The following RPIA variants were observed in gnomAD, a reference collection of about 807,000 sequenced individuals.
RPIA encodes ribose-5-phosphate isomerase.
Under a neutral mutation model 37.8 loss-of-function variants are expected in RPIA, and 29 were observed. The observed-to-expected ratio is 0.77, with a 90% CI of 0.57 to 1.05. The LOEUF (loss-of-function observed/expected upper bound fraction) is 1.05, where lower values mean the gene tolerates loss of function less well. RPIA is among the 50% of genes least tolerant of loss of function. The pLI is 0.00. For missense variants in RPIA, 385 were observed against 413.6 expected (o/e 0.93, Z 0.60); for synonymous variants, 167 against 157.0 (o/e 1.06, Z -0.48).
At chr2:88,744,848 T>A (rs1673422789) in intron 8 of RPIA, among the ~76,000 whole-genome samples, 3 of 152,230 alleles carry the variant, frequency 2.0e-5, no homozygotes, top group Non-Finnish European at 4.4e-5. Context: ...GTGTGGAGTA[T>A]CTTTTCCCAC....
chr2:88,721,973 A>G (rs528565556), intron 3 of RPIA, among the ~76,000 whole-genome samples: 1 of 149,106 alleles, frequency 6.7e-6, no homozygotes, highest in African/African-American at 2.5e-5. Context: ...TTGATCTATA[A>G]AAGTTTTTTT....
intron 3 of RPIA, among the ~76,000 whole-genome samples, chr2:88,714,617 G>A (rs1167492448): frequency 6.6e-6 from 1 of 152,198 alleles, no homozygotes; most frequent in African/African-American, 2.4e-5. Flanking sequence ...CCTAGAGAAG[G>A]CTGCCCCATT....
chr2:88,725,263 A>G (rs952315928), intron 3 of RPIA, among the ~76,000 whole-genome samples: 6 of 152,194 alleles, frequency 3.9e-5, no homozygotes, highest in Non-Finnish European at 8.8e-5. Context: ...GTAGTGGGTC[A>G]AAACCCTTAT....
intron 3 of RPIA, among the ~76,000 whole-genome samples, chr2:88,701,078 A>G (rs1007019873): frequency 2.0e-5 from 3 of 152,116 alleles, no homozygotes; most frequent in Non-Finnish European, 4.4e-5. Flanking sequence ...TCTAAACCAG[A>G]CTGGCCTCAG....
At chr2:88,716,826 C>A (rs535504845) in intron 3 of RPIA, among the ~76,000 whole-genome samples, 1 of 152,204 alleles carries the variant, frequency 6.6e-6, no homozygotes, top group Non-Finnish European at 1.5e-5. Context: ...CTGAAAATTA[C>A]TGACAAAAGG....
intron 7 of RPIA, 26 bp downstream of exon 7, chr2:88,736,702 T>G (rs1573477014): frequency 6.3e-7 from 1 of 1,599,966 alleles, no homozygotes; most frequent in Non-Finnish European, 8.6e-7. Flanking sequence ...GGGCCGGGGG[T>G]GTGCTGGGTG....
chr2:88,695,106 GCT>G (rs1353730362), intron 1 of RPIA, among the ~76,000 whole-genome samples: 1 of 152,152 alleles, frequency 6.6e-6, no homozygotes, highest in African/African-American at 2.4e-5. Flanking sequence ...GAAGCTCTGT[GCT>G]CCTTCTTACA....
intron 3 of RPIA, among the ~76,000 whole-genome samples, chr2:88,717,778 A>G (rs1049899122): frequency 1.3e-5 from 2 of 152,188 alleles, no homozygotes; most frequent in Non-Finnish European, 2.9e-5. Flanking sequence ...TTATTCCTAG[A>G]CAGGTAGTTC....
chr2:88,734,821 T>C (rs10199331), intron 5 of RPIA, among the ~76,000 whole-genome samples: 9,799 of 152,260 alleles, frequency 0.064, 560 homozygotes, highest in African/African-American at 0.15. Flanking sequence ...TGGGCCTCTT[T>C]AGTGAGATCA....
intron 3 of RPIA, among the ~76,000 whole-genome samples, chr2:88,723,468 G>T (rs1673159025): frequency 1.3e-5 from 2 of 152,130 alleles, no homozygotes; most frequent in South Asian, 4.1e-4. Flanking sequence ...CAAAAAGGTG[G>T]GGGGAGTTCT....
chr2:88,742,497 G>A (rs1265875352), intron 8 of RPIA, among the ~76,000 whole-genome samples: 5 of 152,122 alleles, frequency 3.3e-5, no homozygotes, highest in Non-Finnish European at 7.4e-5. Context: ...TGCCAGATTT[G>A]TTCTTTTTGC....
intron 3 of RPIA, among the ~76,000 whole-genome samples, chr2:88,715,010 C>G (rs1673015394): frequency 6.6e-6 from 1 of 152,222 alleles, no homozygotes; most frequent in South Asian, 2.1e-4. Flanking sequence ...TTCAACCAGT[C>G]TTCTCTTTTT....
At chr2:88,729,232 T>C (rs1673235156) in intron 3 of RPIA, 46 bp from the exon 4 acceptor site, 1 of 1,595,570 alleles carries the variant, frequency 6.3e-7, no homozygotes, top group Non-Finnish European at 8.6e-7. Context: ...ATCCTTGTCA[T>C]GAACTCAAGT....
At chr2:88,745,106 C>T (rs1039171241) in intron 8 of RPIA, among the ~76,000 whole-genome samples, 5 of 152,022 alleles carry the variant, frequency 3.3e-5, no homozygotes, top group Non-Finnish European at 4.4e-5. Flanking sequence ...TACAGGTGCC[C>T]GCCACCATGA....
At chr2:88,697,381 T>G (rs568977481) in intron 1 of RPIA, among the ~76,000 whole-genome samples, 39 of 152,398 alleles carry the variant, frequency 2.6e-4, no homozygotes, top group African/African-American at 9.1e-4. Context: ...TAATAAATGG[T>G]AGCTGCCGCT....
intron 3 of RPIA, among the ~76,000 whole-genome samples, chr2:88,701,326 T>G (rs1236860647): frequency 6.6e-6 from 1 of 152,052 alleles, no homozygotes; most frequent in Non-Finnish European, 1.5e-5. Context: ...ATGGATTTTC[T>G]TAGTCTTTTG....
intron 3 of RPIA, among the ~76,000 whole-genome samples, chr2:88,705,605 C>A (rs1286668079): frequency 8.6e-5 from 13 of 152,040 alleles, no homozygotes. Context: ...AAATGAAAAA[C>A]ACTATAAAAA....
Position 88,692,110 on chromosome 2 carries a change from G to A in RPIA, c.285+127G>A. 7 of 1,219,596 alleles carry A rather than the reference G, an allele frequency of 5.7e-6. No individual in the cohort carries two copies. In the South Asian group the frequency reaches 1.0e-4, roughly 18 times the overall value. 75.5% of individuals were successfully genotyped at this position (1,219,596 alleles called of 1,614,324 possible). On this transcript the variant is annotated intron_variant, in intron 1 of 8. Transcript: ENST00000283646. Reference sequence around the variant, plus strand: ...GGCGGGAGCTGAGTGAGAGGGTAGAGGGTGTGCACTTTACCCGAGTTTAGA... The same window carrying A: ...GGCGGGAGCTGAGTGAGAGGGTAGAAGGTGTGCACTTTACCCGAGTTTAGA...
At chr2:88,714,795 G>A (rs185279303) in intron 3 of RPIA, among the ~76,000 whole-genome samples, 12 of 152,250 alleles carry the variant, frequency 7.9e-5, no homozygotes, top group African/African-American at 2.6e-4. Context: ...CCTGAACCTG[G>A]GCATGAACAT....
Sources: gnomAD v4.1 joint callset for allele counts (sites outside exome capture counted in the v4.1 genomes callset) on GRCh38, gnomAD v4.1.1 for gene constraint, MANE v1.5 for transcripts, NCBI Gene and HGNC (gene_info 2026-07-23, HGNC 2026-07-21) for gene names.